Variants in NSMAF observed in about 807,000 individuals in gnomAD.
NSMAF encodes protein FAN.
In NSMAF, 90 loss-of-function variants were observed where a neutral mutation model predicts 134.9. The observed-to-expected ratio is 0.67, with a 90% CI of 0.56 to 0.79. NSMAF has a LOEUF of 0.79. Among genes scored for constraint, NSMAF ranks in the 30% least tolerant of loss-of-function variants. NSMAF has a pLI of 0.00. For synonymous variants in NSMAF, 358 were observed against 389.6 expected, an observed-to-expected ratio of 0.92 and a Z score of 0.96; for missense variants, 1,010 against 1,119.0, an observed-to-expected ratio of 0.90 and a Z score of 1.39.
chr8:58,601,459 T>A lies in NSMAF; in HGVS notation c.1202A>T (p.Tyr401Phe), dbSNP rs1393696043. ...AAGAATCTTACCAATCCTAACAAGATAAAAAAGTACATAACCCGGGGAAGA... is the reference window on the plus strand; with the variant it reads ...AAGAATCTTACCAATCCTAACAAGAAAAAAAAGTACATAACCCGGGGAAGA... ...HYSSPGYVLFYLVRIAPEYML... is the reference protein window; with the variant it reads ...HYSSPGYVLFFLVRIAPEYML... Residue 401 changes from tyrosine (Y) to phenylalanine (F), a missense_variant, in exon 15 of 31, where the codon TAT (tyrosine) becomes TTT (phenylalanine). Coordinates refer to ENST00000038176, the MANE Select transcript of NSMAF (RefSeq NM_003580.4). 1 of 1,606,010 alleles carries A rather than the reference T, an allele frequency of 6.2e-7. No homozygotes were observed. The highest frequency in any genetic ancestry group is 1.7e-5 in the Admixed American group (1 of 58,760).
At chr8:58,645,234 C>CA (rs1807418968) in intron 1 of NSMAF, among the ~76,000 whole-genome samples, 2 of 151,480 alleles carry the variant, frequency 1.3e-5, no homozygotes, top group South Asian at 4.2e-4. Flanking sequence ...ATGGGTTAAC[C>CA]ATACTGCACT....
chr8:58,597,001 T>A (rs1465584821), intron 21 of NSMAF, among the ~76,000 whole-genome samples: 2 of 151,602 alleles, frequency 1.3e-5, no homozygotes, highest in East Asian at 3.9e-4. Context: ...AAGTCCCTTC[T>A]GGAAGACAGC....
At chr8:58,611,198 T>G (rs1244449876) in intron 9 of NSMAF, among the ~76,000 whole-genome samples, 1 of 152,086 alleles carries the variant, frequency 6.6e-6, no homozygotes, top group Non-Finnish European at 1.5e-5. Flanking sequence ...GTGTCAGACA[T>G]TGGATCAATC....
At chr8:58,593,496 A>C (rs1806065734) in intron 23 of NSMAF, among the ~76,000 whole-genome samples, 2 of 152,234 alleles carry the variant, frequency 1.3e-5, no homozygotes, top group Non-Finnish European at 2.9e-5. Context: ...TACTTTATAA[A>C]GTTACAAACT....
rs796448406 is a variant in NSMAF, at chr8:58,655,917, C to A, written c.59+3656G>T. 8.7e-3 allele frequency among the ~76,000 whole-genome samples: 1,315 copies of A among 150,592 alleles called. 21 individuals carry two copies. The highest frequency in any genetic ancestry group is 0.03 in the African/African-American group (1,235 of 40,990). On this transcript the variant is annotated intron_variant, in intron 1 of 30. Transcript: ENST00000038176. ...GAGACTCCGTCTCAATAAAAAAAAACAATAAAAAATAAAAAATGTTTTCAA... is the reference window on the plus strand; with the variant it reads ...GAGACTCCGTCTCAATAAAAAAAAAAAATAAAAAATAAAAAATGTTTTCAA...
At chr8:58,632,117 G>C (rs1807068109) in intron 5 of NSMAF, among the ~76,000 whole-genome samples, 1 of 152,072 alleles carries the variant, frequency 6.6e-6, no homozygotes, top group African/African-American at 2.4e-5. Context: ...AGCTCTCAAA[G>C]TCCAGCCCCT....
rs377357179 is a variant in NSMAF, at chr8:58,600,970, T to C, written c.1280+315A>G. ...GGAGAAAAGAAGTTGACATAAAATA[T>C]GGCATATGTTAGAATGTGATACAAT... On this transcript the variant is annotated intron_variant, in intron 16 of 30. Coordinates refer to ENST00000038176, the MANE Select transcript of NSMAF (RefSeq NM_003580.4). 2.0e-4 allele frequency among the ~76,000 whole-genome samples: 30 copies of C among 152,276 alleles called. 1 individual carries two copies. In the South Asian group the frequency reaches 5.6e-3, roughly 28 times the overall value.
chr8:58,632,446 C>T (rs537141463), intron 5 of NSMAF, among the ~76,000 whole-genome samples: 2 of 152,270 alleles, frequency 1.3e-5, no homozygotes, highest in African/African-American at 4.8e-5. Context: ...TCTTCCTTGA[C>T]TCTCCTTCTC....
intron 6 of NSMAF, among the ~76,000 whole-genome samples, chr8:58,624,806 C>T (rs1390256322): frequency 2.6e-5 from 4 of 152,164 alleles, no homozygotes; most frequent in Admixed American, 2.6e-4. Flanking sequence ...TACTGATGTC[C>T]TATCTGAACG....
chr8:58,588,722 G>A (rs1292093953), intron 26 of NSMAF: 20 of 1,516,358 alleles, frequency 1.3e-5, no homozygotes, highest in South Asian at 4.5e-5. Context: ...ACGTGGCCGC[G>A]GCCCTTTTTG....
intron 1 of NSMAF, among the ~76,000 whole-genome samples, chr8:58,653,818 A>C (rs1192091384): frequency 1.3e-5 from 2 of 152,204 alleles, no homozygotes; most frequent in East Asian, 3.8e-4. Context: ...ACACTAAAAA[A>C]ATTTTTAATG....
In NSMAF at chr8:58,587,167, C is replaced by G. The variant is rs754154836; in HGVS notation, c.2295+451G>C. Among the ~76,000 whole-genome samples the G allele has an allele frequency of 3.9e-5, 6 of 152,244 alleles. No individual in the cohort carries two copies. The South Asian group carries it at 8.3e-4, about 21-fold the overall frequency. On this transcript the variant is annotated intron_variant, in intron 27 of 30. Coordinates refer to ENST00000038176, the MANE Select transcript of NSMAF (RefSeq NM_003580.4). The stretch of plus-strand genomic sequence containing the variant: ...CCAGAGAAAACAGAGCAAGTGAGAA[C>G]TGAGCCAACAGGCTGCATGTACTTG...
At chr8:58,639,335 C>CA (rs535843968) in intron 2 of NSMAF, among the ~76,000 whole-genome samples, 1 of 151,232 alleles carries the variant, frequency 6.6e-6, no homozygotes, top group Non-Finnish European at 1.5e-5. Flanking sequence ...TACAAATGGC[C>CA]AACAAGCATA....
chr8:58,625,114 C>T (rs1006283087), intron 6 of NSMAF, among the ~76,000 whole-genome samples: 5 of 152,134 alleles, frequency 3.3e-5, no homozygotes, highest in African/African-American at 9.7e-5. Context: ...TGGGCCTCAT[C>T]GGATCCATTG....
In NSMAF at chr8:58,595,515, T is replaced by C. The variant is rs763306400; in HGVS notation, c.1892+45A>G. 7.9e-6 allele frequency: 11 copies of C among 1,389,894 alleles called. No homozygotes were observed. In the South Asian group the frequency reaches 9.2e-5, roughly 12 times the overall value. 86.1% of individuals were successfully genotyped at this position (1,389,894 alleles called of 1,614,324 possible). On this transcript the variant is annotated intron_variant, in intron 22 of 30. Coordinates refer to ENST00000038176, the MANE Select transcript of NSMAF (RefSeq NM_003580.4). ...TAATCCCATGCCAAGACCCTAACTT[T>C]TACCAGGACTATCAGCTGCTGAGAA... is the stretch of plus-strand genomic sequence containing the variant.
chr8:58,614,866 T>C (rs954530525), intron 9 of NSMAF, among the ~76,000 whole-genome samples: 5 of 152,160 alleles, frequency 3.3e-5, no homozygotes, highest in Admixed American at 3.3e-4. Context: ...AATTATATAA[T>C]TATAAATTAT....
rs1198994970 is a variant in NSMAF, at chr8:58,585,656, G to A, written c.2655C>T (p.His885=). Residue 885 remains histidine (H), a synonymous_variant, in exon 30 of 31, where the codon CAC becomes CAT. Coordinates refer to ENST00000038176, the MANE Select transcript of NSMAF (RefSeq NM_003580.4). ...GAKISERIQG[H]TGAVTCIWMN... is the part of the protein sequence containing the mutation. ...GCAACTGCAGTAGCTGCTTACCTGT[G>A]TGGCCCTGTATTCTCTCACTGATTT... is the stretch of plus-strand genomic sequence containing the variant. 1.9e-6 allele frequency: 3 copies of A among 1,609,332 alleles called. No homozygotes were observed. Among genetic ancestry groups the A allele is most frequent in the Non-Finnish European group, 2.6e-6 (3 of 1,175,654 alleles).
At chr8:58,610,722 G>A (rs956126435) in intron 9 of NSMAF, among the ~76,000 whole-genome samples, 5 of 152,168 alleles carry the variant, frequency 3.3e-5, no homozygotes, top group African/African-American at 1.2e-4. Flanking sequence ...GTTGAGACTG[G>A]AGAGCAAAGA....
chr8:58,636,236 T>C (rs1057299348), intron 2 of NSMAF, among the ~76,000 whole-genome samples: 1 of 152,220 alleles, frequency 6.6e-6, no homozygotes, highest in South Asian at 2.1e-4. Flanking sequence ...CACTCTTGTC[T>C]TGTGTATAAC....
Sources: gnomAD v4.1 joint callset for allele counts (sites outside exome capture counted in the v4.1 genomes callset) on GRCh38, gnomAD v4.1.1 for gene constraint, MANE v1.5 for transcripts, NCBI Gene and HGNC (gene_info 2026-07-23, HGNC 2026-07-21) for gene names.